Variants in HTT observed in about 807,000 individuals in gnomAD.
HTT encodes huntingtin.
In HTT, 104 loss-of-function variants were observed where a neutral mutation model predicts 362.3. The observed-to-expected ratio is 0.29, with a 90% CI of 0.24 to 0.34. The LOEUF is 0.34. HTT is among the 10% of genes least tolerant of loss of function. HTT has a pLI of 1.00. For synonymous variants in HTT, 1,577 were observed against 1,548.7 expected, an observed-to-expected ratio of 1.02 and a Z score of -0.43; for missense variants, 3,301 against 3,928.6, an observed-to-expected ratio of 0.84 and a Z score of 4.27.
rs994912092 is a variant in HTT at position 3,242,057 on chromosome 4, A to G, written c.*1998A>G. 6.6e-6 allele frequency: 1 copy of G among 151,698 alleles called. No homozygotes were observed. Among genetic ancestry groups the G allele is most frequent in the Non-Finnish European group, 1.5e-5 (1 of 67,942 alleles). 9.4% of individuals were successfully genotyped at this position (151,698 alleles called of 1,614,324 possible). On this transcript the variant is annotated 3_prime_UTR_variant, in exon 67 of 67. Transcript: ENST00000355072. Reference sequence around the variant, plus strand: ...TTCTCAGAACTGTTGGCTGCTCCCCACCCGCCTCCCGCCTCCCCCGCAGGT... The same window carrying G: ...TTCTCAGAACTGTTGGCTGCTCCCCGCCCGCCTCCCGCCTCCCCCGCAGGT...
At chr4:3,102,586 C>T (rs1714209447) in intron 3 of HTT, among the ~76,000 whole-genome samples, 1 of 152,206 alleles carries the variant, frequency 6.6e-6, no homozygotes, top group African/African-American at 2.4e-5. Flanking sequence ...TTTTGATTTT[C>T]AAGCTTGCTG....
At chr4:3,110,707 C>G (rs1714701372) in intron 6 of HTT, among the ~76,000 whole-genome samples, 1 of 152,144 alleles carries the variant, frequency 6.6e-6, no homozygotes, top group African/African-American at 2.4e-5. Flanking sequence ...CTTAAAATCT[C>G]CAACGTGACC....
chr4:3,215,484 G>A lies in HTT; in HGVS notation c.7054+273G>A, dbSNP rs147074197. ...ACTGGGGGAGCGCTCCCTTCCCCCC[G>A]CACTTCCCACACTCTGCAGTTATTC... On this transcript the variant is annotated intron_variant, in intron 51 of 66. Coordinates refer to ENST00000355072, the MANE Select transcript of HTT (RefSeq NM_001388492.1). Among the ~76,000 whole-genome samples the A allele has an allele frequency of 2.4e-3, 362 of 152,122 alleles. 2 individuals are homozygous for A. The highest frequency in any genetic ancestry group is 0.019 in the East Asian group (98 of 5,172).
rs192774145 is a variant in HTT, at chr4:3,078,997, C to G, written c.263+3909C>G. 1.6e-3 allele frequency among the ~76,000 whole-genome samples: 244 copies of G among 152,218 alleles called. 2 individuals carry two copies. Among genetic ancestry groups the G allele is most frequent in the Admixed American group, 2.9e-3 (45 of 15,288 alleles). Reference sequence around the variant, plus strand: ...TCATCCGCCGACCTTGTGATCCGCCCACCTCGGCCTCCCAAAGTGCTGGGA... The same window carrying G: ...TCATCCGCCGACCTTGTGATCCGCCGACCTCGGCCTCCCAAAGTGCTGGGA... On this transcript the variant is annotated intron_variant, in intron 1 of 66. Transcript: ENST00000355072.
chr4:3,115,262 A>G, intron 6 of HTT, 42 bp from the exon 7 acceptor site: 1 of 1,589,198 alleles, frequency 6.3e-7, no homozygotes, highest in South Asian at 1.1e-5. Context: ...TAAGCTTCAT[A>G]GGAGCTTCAT....
rs1447409993 is a variant in HTT, at chr4:3,228,608, G to A, written c.7849-7G>A. On this transcript the variant is annotated splice_polypyrimidine_tract_variant and splice_region_variant and intron_variant, in intron 57 of 66. Coordinates refer to ENST00000355072, the MANE Select transcript of HTT (RefSeq NM_001388492.1). The surrounding 1 kb of genome is among the most constrained non-coding windows in gnomAD (Gnocchi z 4.3). The stretch of plus-strand genomic sequence containing the variant: ...CAGCACTGAGCAGTGCCCCGTTTCT[G>A]TGGCAGGTGTCCATACACTCCGTGT... 1.3e-6 allele frequency: 2 copies of A among 1,551,462 alleles called. No homozygotes were observed. Among genetic ancestry groups the A allele is most frequent in the African/African-American group, 2.7e-5 (2 of 72,774 alleles).
intron 33 of HTT, among the ~76,000 whole-genome samples, chr4:3,176,307 G>A (rs1578562180): frequency 1.3e-5 from 2 of 152,176 alleles, no homozygotes; most frequent in East Asian, 1.9e-4. Flanking sequence ...GATGACAGGC[G>A]TGAGCCACCG....
rs557319443 is a variant in HTT at position 3,219,189 on chromosome 4, G to A, written c.7243-993G>A. 1.8e-3 allele frequency among the ~76,000 whole-genome samples: 273 copies of A among 152,280 alleles called. 1 individual carries two copies. Among genetic ancestry groups the A allele is most frequent in the Middle Eastern group, 3.4e-3 (1 of 294 alleles). On this transcript the variant is annotated intron_variant, in intron 52 of 66. Transcript: ENST00000355072. Reference sequence around the variant, plus strand: ...GAAGCAGGCCACACTTGCTGCATGGGGTTGCTCTCGGCCCCACTCTTGGTG... The same window carrying A: ...GAAGCAGGCCACACTTGCTGCATGGAGTTGCTCTCGGCCCCACTCTTGGTG...
intron 35 of HTT, 113 bp from the exon 36 acceptor site, chr4:3,180,402 G>C: frequency 1.1e-6 from 1 of 890,586 alleles, no homozygotes; most frequent in Non-Finnish European, 1.7e-6. Context: ...CATAAACCAA[G>C]TATGTGTAAG....
At chr4:3,084,370 A>G (rs571064069) in intron 1 of HTT, among the ~76,000 whole-genome samples, 67 of 152,138 alleles carry the variant, frequency 4.4e-4, no homozygotes, top group Non-Finnish European at 7.2e-4. Context: ...GTTCATCCAA[A>G]TAATCCAACA....
At chr4:3,149,294 CT>C (rs1029468563) in intron 26 of HTT, among the ~76,000 whole-genome samples, 10,087 of 130,500 alleles carry the variant, frequency 0.077, 347 homozygotes, top group African/African-American at 0.14. Context: ...AGTTCACATA[CT>C]TTTTTTTTTT....
At chr4:3,129,796 A>G (rs1578521272) in intron 12 of HTT, 128 bp from the exon 13 acceptor site, 2 of 1,108,640 alleles carry the variant, frequency 1.8e-6, no homozygotes, top group East Asian at 2.4e-5. Context: ...CTTGAAATAA[A>G]TGACAGATGA....
Position 3,155,290 on chromosome 4 carries a change from C to T in HTT, c.3625+871C>T, listed in dbSNP as rs560714094. On this transcript the variant is annotated intron_variant, in intron 27 of 66. Coordinates refer to ENST00000355072, the MANE Select transcript of HTT (RefSeq NM_001388492.1). ...AGGCTGGAGTGCAGTGGTGCAATCTCGGCTCAGTGCAAGCTCTGCCTCCTG... is the reference window on the plus strand; with the variant it reads ...AGGCTGGAGTGCAGTGGTGCAATCTTGGCTCAGTGCAAGCTCTGCCTCCTG... 2.0e-3 allele frequency among the ~76,000 whole-genome samples: 305 copies of T among 151,790 alleles called. 2 individuals are homozygous for T. Among genetic ancestry groups the T allele is most frequent in the African/African-American group, 5.2e-3 (214 of 41,410 alleles).
In HTT at chr4:3,212,558, T is replaced by C; in HGVS notation, c.6629-6T>C. The C allele has an allele frequency of 1.2e-6, 2 of 1,613,404 alleles. No homozygotes were observed. Among genetic ancestry groups the C allele is most frequent in the Non-Finnish European group, 1.7e-6 (2 of 1,179,420 alleles). On this transcript the variant is annotated splice_polypyrimidine_tract_variant and splice_region_variant and intron_variant, in intron 48 of 66. Coordinates refer to ENST00000355072, the MANE Select transcript of HTT (RefSeq NM_001388492.1). ...TGCACCCACCCACGAGGTCCTTCTG[T>C]TTCAGGGGATGCTGCACTGTATCAG... is the stretch of plus-strand genomic sequence containing the variant.
intron 56 of HTT, among the ~76,000 whole-genome samples, chr4:3,224,760 T>A (rs947623525): frequency 6.6e-6 from 1 of 152,270 alleles, no homozygotes; most frequent in Non-Finnish European, 1.5e-5. Flanking sequence ...TTGAAGGCTT[T>A]AATTGCAGAA....
chr4:3,167,310 A>T (rs1717766927), intron 29 of HTT, among the ~76,000 whole-genome samples: 1 of 152,080 alleles, frequency 6.6e-6, no homozygotes, highest in Non-Finnish European at 1.5e-5. Context: ...TGACCTTGTG[A>T]TCCACCCACC....
At chr4:3,106,362 C>T (rs1714422630) in intron 5 of HTT, among the ~76,000 whole-genome samples, 1 of 152,062 alleles carries the variant, frequency 6.6e-6, no homozygotes. Flanking sequence ...CTCAAAAAAA[C>T]CAAAATCCAG....
intron 27 of HTT, among the ~76,000 whole-genome samples, chr4:3,154,726 G>A (rs978918896): frequency 2.0e-5 from 3 of 152,220 alleles, no homozygotes; most frequent in Admixed American, 1.3e-4. Context: ...GGCTGGAGAG[G>A]CCTCCTGATT....
intron 6 of HTT, among the ~76,000 whole-genome samples, chr4:3,108,311 G>A (rs1560550515): frequency 6.6e-6 from 1 of 152,206 alleles, no homozygotes; most frequent in Non-Finnish European, 1.5e-5. Flanking sequence ...TTAATACTAA[G>A]GAGATATTCA....
Sources: allele counts gnomAD v4.1 joint callset (sites outside exome capture counted in the v4.1 genomes callset), GRCh38; gene constraint gnomAD v4.1.1; non-coding constraint Gnocchi (gnomAD v3.1); transcripts MANE v1.5; gene names NCBI Gene and HGNC (gene_info 2026-07-23, HGNC 2026-07-21).